Variants in RGS12 observed in about 807,000 individuals in gnomAD.
RGS12 encodes regulator of G-protein signaling 12.
A neutral mutation model predicts 120.1 loss-of-function variants in RGS12; 66 were observed. The observed-to-expected ratio is 0.55, with a 90% CI of 0.45 to 0.67. RGS12 has a LOEUF of 0.67. RGS12 is among the 30% of genes least tolerant of loss of function. The pLI is 0.00. For synonymous variants in RGS12, 827 were observed against 804.7 expected, an observed-to-expected ratio of 1.03 and a Z score of -0.47; for missense variants, 1,859 against 1,957.7, an observed-to-expected ratio of 0.95 and a Z score of 0.95.
chr4:3,370,310 A>G, intron 3 of RGS12: 4 of 1,614,152 alleles, frequency 2.5e-6, no homozygotes, highest in Non-Finnish European at 3.4e-6. Context: ...CCATGTTTCT[A>G]ATGACCAGCA....
chr4:3,421,649 C>T (rs534081404), intron 10 of RGS12, among the ~76,000 whole-genome samples: 1 of 152,358 alleles, frequency 6.6e-6, no homozygotes, highest in African/African-American at 2.4e-5. Flanking sequence ...TCGCCTCACT[C>T]AGCGGAGGCC....
In RGS12 at chr4:3,433,947, A is replaced by C. The variant is rs189293875; in HGVS notation, c.4114+2992A>C. Among the ~76,000 whole-genome samples the C allele has an allele frequency of 6.6e-6, 1 of 152,310 alleles. No individual in the cohort carries two copies. Among genetic ancestry groups the C allele is most frequent in the East Asian group, 1.9e-4 (1 of 5,180 alleles). On this transcript the variant is annotated intron_variant, in intron 17 of 17. Transcript: ENST00000336727. The surrounding 1 kb of genome is among the most constrained non-coding windows in gnomAD (Gnocchi z 4.4). Reference sequence around the variant, plus strand: ...CCTGAGCCTTAGCTGTCTGACACACACAACAGAGGCCTCAAGCGGGAGAAG... The same window carrying C: ...CCTGAGCCTTAGCTGTCTGACACACCCAACAGAGGCCTCAAGCGGGAGAAG...
chr4:3,410,339 T>A (rs1577065059), intron 4 of RGS12, among the ~76,000 whole-genome samples: 1 of 152,334 alleles, frequency 6.6e-6, no homozygotes, highest in East Asian at 1.9e-4. Flanking sequence ...CTTAAACTCT[T>A]GGCCTCAAGT....
At chr4:3,373,374 C>T (rs1008727707) in intron 3 of RGS12, among the ~76,000 whole-genome samples, 4 of 152,150 alleles carry the variant, frequency 2.6e-5, no homozygotes, top group East Asian at 1.9e-4. Flanking sequence ...GGCTGATGGC[C>T]GCCGCAGGAC....
intron 14 of RGS12, 128 bp from the exon 15 acceptor site, chr4:3,427,962 A>G: frequency 1.1e-6 from 1 of 878,498 alleles, no homozygotes; most frequent in Non-Finnish European, 1.9e-6. Context: ...GTGCGTGGTG[A>G]ATAAGGGCAG....
At chr4:3,346,668 T>C (rs1000847393) in intron 3 of RGS12, among the ~76,000 whole-genome samples, 24 of 152,214 alleles carry the variant, frequency 1.6e-4, no homozygotes, top group Admixed American at 1.4e-3. Flanking sequence ...TGCACAGGGC[T>C]CCAGTCTAAT....
intron 1 of RGS12, among the ~76,000 whole-genome samples, chr4:3,308,417 T>C (rs1202583047): frequency 1.3e-5 from 2 of 152,242 alleles, no homozygotes; most frequent in African/African-American, 4.8e-5. Flanking sequence ...GCCGTGGCAC[T>C]GAAATGGCGA....
intron 2 of RGS12, among the ~76,000 whole-genome samples, chr4:3,339,935 G>A (rs959464670): frequency 4.6e-5 from 7 of 152,206 alleles, no homozygotes; most frequent in Non-Finnish European, 8.8e-5. Context: ...GATTCTGACA[G>A]CCTTAATCTC....
chr4:3,314,838 C>G (rs1353979645), intron 1 of RGS12: 8 of 152,258 alleles, frequency 5.3e-5, no homozygotes, highest in African/African-American at 9.7e-5. Flanking sequence ...AGGCCCGAGA[C>G]CATCCTGAGA....
At chr4:3,425,627 GAGC>G (rs1326293952) in intron 14 of RGS12, 67 bp downstream of exon 14, 24 of 1,187,722 alleles carry the variant, frequency 2.0e-5, no homozygotes, top group Admixed American at 9.5e-5. Context: ...GGGGGCTATG[GAGC>G]CGGTGCAGGG....
At chr4:3,381,505 C>G (rs1426335816) in intron 3 of RGS12, among the ~76,000 whole-genome samples, 1 of 152,170 alleles carries the variant, frequency 6.6e-6, no homozygotes, top group Non-Finnish European at 1.5e-5. Flanking sequence ...TTCCACATGG[C>G]TAGGGAGGCC....
chr4:3,368,404 CTGTG>C lies in RGS12; in HGVS notation c.1999-18003_1999-18000del, dbSNP rs1238425524. Among the ~76,000 whole-genome samples the C allele has an allele frequency of 1.8e-4, 20 of 109,492 alleles. 1 individual carries two copies. Among genetic ancestry groups the C allele is most frequent in the African/African-American group, 6.1e-4 (17 of 27,896 alleles). 71.8% of individuals were successfully genotyped at this position (109,492 alleles called of 152,430 possible). A position where few individuals can be genotyped will look rare whatever the true frequency, so the allele number is the denominator to read the frequency against. ...GTGGGTGCCTGTGTGTGTGGGGTGC[CTGTG>C]TGTGTGTGAGTGCCTGTGTGTGTGT... On this transcript the variant is annotated intron_variant, in intron 3 of 17. Transcript: ENST00000336727.
At position 3,389,069 on chromosome 4, in the gene RGS12, G is replaced by A. The variant is rs753858781; in HGVS notation, c.2020+2632G>A. ...GTGAGAGAGTTCGTGTTCATGCCACGGTTTCATTCTGTGACGCGTATCGTG... is the reference window on the plus strand; with the variant it reads ...GTGAGAGAGTTCGTGTTCATGCCACAGTTTCATTCTGTGACGCGTATCGTG... On this transcript the variant is annotated intron_variant, in intron 4 of 17. Transcript: ENST00000336727. This position sits in a 1 kb window ranked among gnomAD's most constrained non-coding sequence, Gnocchi z 5.2. Among the ~76,000 whole-genome samples, 41 of 152,180 alleles carry A rather than the reference G, an allele frequency of 2.7e-4. No homozygotes were observed. The highest frequency in any genetic ancestry group is 3.5e-4 in the Non-Finnish European group (24 of 68,024).
chr4:3,342,481 T>C, intron 2 of RGS12: 1 of 1,289,398 alleles, frequency 7.8e-7, no homozygotes, highest in Non-Finnish European at 1.0e-6. Flanking sequence ...GATTCTTTCA[T>C]TTCCTAAAGT....
At chr4:3,302,348 C>T (rs538000942) in intron 1 of RGS12, among the ~76,000 whole-genome samples, 4 of 124,444 alleles carry the variant, frequency 3.2e-5, no homozygotes, top group East Asian at 5.6e-4. Flanking sequence ...GCGCCTGTGA[C>T]GTGGCTTTGG....
At chr4:3,363,843 A>G (rs962584835) in intron 3 of RGS12, among the ~76,000 whole-genome samples, 2 of 152,054 alleles carry the variant, frequency 1.3e-5, no homozygotes, top group East Asian at 3.9e-4. Flanking sequence ...GCTTGGTACT[A>G]GAAACCTGAG....
intron 3 of RGS12, among the ~76,000 whole-genome samples, chr4:3,381,919 G>A (rs1483816888): frequency 6.6e-6 from 1 of 152,240 alleles, no homozygotes; most frequent in Non-Finnish European, 1.5e-5. Context: ...ATACCTGGGA[G>A]TGAGAGAGCT....
intron 3 of RGS12, among the ~76,000 whole-genome samples, chr4:3,355,520 C>T (rs1040387836): frequency 3.3e-5 from 5 of 152,044 alleles, no homozygotes; most frequent in Non-Finnish European, 7.4e-5. Context: ...CCAAAAGTCC[C>T]GTGGTGGCTC....
In RGS12 at chr4:3,314,117, T is replaced by C. The variant is rs183293182; in HGVS notation, c.-101-1953T>C. On this transcript the variant is annotated intron_variant, in intron 1 of 17. Transcript: ENST00000336727. ...CCAGTCCTAATATTTAAATTATTAATACAGTACTACTTAGATATTGAGTAA... is the reference window on the plus strand; with the variant it reads ...CCAGTCCTAATATTTAAATTATTAACACAGTACTACTTAGATATTGAGTAA... 8.6e-4 allele frequency: 130 copies of C among 151,984 alleles called. 1 individual carries two copies. The highest frequency in any genetic ancestry group is 2.9e-3 in the African/African-American group (122 of 41,554). 9.4% of individuals were successfully genotyped at this position (151,984 alleles called of 1,614,324 possible).
Sources: allele counts gnomAD v4.1 joint callset (sites outside exome capture counted in the v4.1 genomes callset), GRCh38; gene constraint gnomAD v4.1.1; non-coding constraint Gnocchi (gnomAD v3.1); transcripts MANE v1.5; gene names NCBI Gene and HGNC (gene_info 2026-07-23, HGNC 2026-07-21).